Variants in EPM2A observed in about 807,000 individuals in gnomAD.
EPM2A encodes the protein laforin.
In EPM2A, 21 loss-of-function variants were observed where a neutral mutation model predicts 26.5. The ratio of observed to expected loss-of-function variants is 0.79; its 90% CI spans 0.56 to 1.14. EPM2A has a LOEUF of 1.14. EPM2A is among the 50% of genes most tolerant of loss of function. The pLI is 0.00. For synonymous variants in EPM2A, 217 were observed against 177.6 expected, an observed-to-expected ratio of 1.22 and a Z score of -1.76; for missense variants, 458 against 440.8, an observed-to-expected ratio of 1.04 and a Z score of -0.35.
intron 4 of EPM2A, among the ~76,000 whole-genome samples, chr6:145,443,480 C>T (rs1779093710): frequency 6.6e-6 from 1 of 151,994 alleles, no homozygotes; most frequent in South Asian, 2.1e-4. Flanking sequence ...ACATTTTATT[C>T]TTTTTGTGGC....
At chr6:145,710,276 AAAAC>A (rs1359361574) in intron 1 of EPM2A, among the ~76,000 whole-genome samples, 10 of 152,332 alleles carry the variant, frequency 6.6e-5, no homozygotes, top group African/African-American at 1.7e-4. Flanking sequence ...TACAAGAAAA[AAAAC>A]AAACAACCCC....
chr6:145,408,031 C>T (rs369115196), intron 4 of EPM2A, among the ~76,000 whole-genome samples: 1 of 152,290 alleles, frequency 6.6e-6, no homozygotes, highest in African/African-American at 2.4e-5. Context: ...CTTACTTCCT[C>T]ATCTTCATGC....
chr6:145,708,248 G>GA (rs1197752935), intron 1 of EPM2A, among the ~76,000 whole-genome samples: 2 of 152,192 alleles, frequency 1.3e-5, no homozygotes, highest in African/African-American at 4.8e-5. Context: ...ATTTTCTGGG[G>GA]AAAAAATCCA....
chr6:145,502,524 G>T (rs985558390), exon 3 of EPM2A: 1 of 470,212 alleles, frequency 2.1e-6, no homozygotes, highest in Non-Finnish European at 4.4e-6. Flanking sequence ...TCACTCACCT[G>T]CAGTCTCTTC....
chr6:145,569,158 T>C lies in EPM2A; in HGVS notation c.340+66087A>G, dbSNP rs965863160. On this transcript the variant is annotated intron_variant, in intron 2 of 3. Transcript: ENST00000450221. Reference sequence around the variant, plus strand: ...ACTCTGTCCTGATTCCTGCAAATTGTGAGTAGTCAACATCCACTTTTGTAA... The same window carrying C: ...ACTCTGTCCTGATTCCTGCAAATTGCGAGTAGTCAACATCCACTTTTGTAA... 9.8e-5 allele frequency among the ~76,000 whole-genome samples: 15 copies of C among 152,350 alleles called. No homozygotes were observed. In the South Asian group the frequency reaches 1.9e-3, roughly 19 times the overall value.
intron 2 of EPM2A, among the ~76,000 whole-genome samples, chr6:145,534,862 G>A (rs1780410089): frequency 6.6e-6 from 1 of 152,222 alleles, no homozygotes; most frequent in Middle Eastern, 3.4e-3. Flanking sequence ...CAGTTTCCAT[G>A]TCATCAAGTC....
At chr6:145,466,742 C>T (rs142818717) in intron 4 of EPM2A, among the ~76,000 whole-genome samples, 5 of 152,156 alleles carry the variant, frequency 3.3e-5, no homozygotes, top group African/African-American at 1.2e-4. Context: ...TGGAACCAAC[C>T]CAAATGTCCA....
rs1287653139 is a variant in EPM2A at position 145,735,463 on chromosome 6, G to A, written c.36C>T (p.Ala12=). The part of the protein sequence containing the change: ...RFRFGVVVPP[A]VAGARPELLV... The stretch of plus-strand genomic sequence containing the variant: ...GCAGCTCCGGCCGGGCGCCGGCCAC[G>A]GCGGGTGGCACCACCACCCCAAAGC... The change falls in exon 1 of 4, where the codon GCC becomes GCT. Residue 12 remains alanine, a synonymous_variant. Coordinates refer to ENST00000367519, the MANE Select transcript of EPM2A (RefSeq NM_005670.4). 43 of 1,227,932 alleles carry A rather than the reference G, an allele frequency of 3.5e-5. 1 individual carries two copies. The East Asian group carries it at 1.5e-3, about 43-fold the overall frequency. The allele number at this position is 1,227,932 out of a possible 1,614,324, so 76.1% of individuals were successfully genotyped here. A position where few individuals can be genotyped will look rare whatever the true frequency, so the allele number is the denominator to read the frequency against.
chr6:145,538,922 G>A lies in EPM2A; in HGVS notation c.341-36347C>T, dbSNP rs150107450. Among the ~76,000 whole-genome samples the A allele has an allele frequency of 2.7e-3, 409 of 152,296 alleles. 6 individuals are homozygous for A. Among genetic ancestry groups the A allele is most frequent in the African/African-American group, 9.4e-3 (392 of 41,564 alleles). ...GGGAACACAGTAAATACATTGCACA[G>A]CTTTTGTTCCATGTACCAGAAATCC... On this transcript the variant is annotated intron_variant, in intron 2 of 3. Transcript: ENST00000450221.
intron 1 of EPM2A, among the ~76,000 whole-genome samples, chr6:145,728,391 C>T (rs553445930): frequency 6.6e-6 from 1 of 152,182 alleles, no homozygotes; most frequent in Admixed American, 6.5e-5. Context: ...GACCAAGATG[C>T]TGATACTGAT....
At chr6:145,619,297 T>C (rs1448006669) in intron 2 of EPM2A, among the ~76,000 whole-genome samples, 1 of 152,162 alleles carries the variant, frequency 6.6e-6, no homozygotes, top group Non-Finnish European at 1.5e-5. Flanking sequence ...CTATAGACGA[T>C]GATTGAGAAA....
chr6:145,576,974 T>C (rs1289425125), intron 2 of EPM2A, among the ~76,000 whole-genome samples: 1 of 151,442 alleles, frequency 6.6e-6, no homozygotes, highest in African/African-American at 2.4e-5. Context: ...GGTTTTAAGA[T>C]GTTTTTTACA....
chr6:145,582,695 G>A (rs1158905217), intron 2 of EPM2A, among the ~76,000 whole-genome samples: 1 of 152,114 alleles, frequency 6.6e-6, no homozygotes, highest in South Asian at 2.1e-4. Flanking sequence ...TTCAAATGTA[G>A]GCTTCTGTAG....
intron 4 of EPM2A, chr6:145,489,968 G>T: frequency 7.2e-7 from 1 of 1,385,316 alleles, no homozygotes; most frequent in South Asian, 1.2e-5. Flanking sequence ...ACACTCGTGT[G>T]AACAAAGTAC....
At chr6:145,662,915 A>G (rs1043677045) in intron 2 of EPM2A, among the ~76,000 whole-genome samples, 22 of 152,158 alleles carry the variant, frequency 1.4e-4, no homozygotes, top group Admixed American at 6.5e-5. Context: ...CAAGCAAAAA[A>G]TTGCTGTCAA....
intron 4 of EPM2A, chr6:145,489,714 T>C: frequency 6.9e-7 from 1 of 1,439,838 alleles, no homozygotes. Context: ...TCTCTAATCC[T>C]CAGCATCTTC....
intron 4 of EPM2A, among the ~76,000 whole-genome samples, chr6:145,428,079 T>C (rs1778874969): frequency 6.7e-6 from 1 of 149,640 alleles, no homozygotes; most frequent in Admixed American, 6.6e-5. Context: ...TTGATAGTTT[T>C]TTTTTTTTTT....
intron 4 of EPM2A, among the ~76,000 whole-genome samples, chr6:145,421,465 A>G (rs1213566015): frequency 6.6e-6 from 1 of 152,136 alleles, no homozygotes; most frequent in Non-Finnish European, 1.5e-5. Flanking sequence ...ATACCTTTGT[A>G]AAGGTGAAAA....
At chr6:145,418,135 C>G (rs1778733968) in intron 4 of EPM2A, among the ~76,000 whole-genome samples, 1 of 152,156 alleles carries the variant, frequency 6.6e-6, no homozygotes, top group African/African-American at 2.4e-5. Flanking sequence ...TTTCTGTTCT[C>G]CATCTGTATG....
Sources: gnomAD v4.1 joint callset for allele counts (sites outside exome capture counted in the v4.1 genomes callset) on GRCh38, gnomAD v4.1.1 for gene constraint, MANE v1.5 for transcripts, NCBI Gene and HGNC (gene_info 2026-07-23, HGNC 2026-07-21) for gene names.